TBX1: variants seen among roughly 807,000 people sequenced by gnomAD.
The protein encoded by TBX1 is T-box transcription factor TBX1.
TBX1 carries 16 observed loss-of-function variants against 40.8 expected under a neutral mutation model. That is an observed-to-expected ratio of 0.39 (90% confidence interval 0.27 to 0.60). The LOEUF is 0.60. Among genes scored for constraint, TBX1 ranks in the 20% least tolerant of loss-of-function variants. TBX1 has a pLI of 0.51. For missense variants in TBX1, 755 were observed against 728.5 expected (o/e 1.04, Z -0.42); for synonymous variants, 403 against 336.8 (o/e 1.20, Z -2.15).
At position 19,766,420 on chromosome 22, in the gene TBX1, C is replaced by G; in HGVS notation, c.1068C>G (p.Arg356=). The G allele has an allele frequency of 2.2e-6, 3 of 1,343,724 alleles. No homozygotes were observed. Among genetic ancestry groups the G allele is most frequent in the South Asian group, 1.7e-5 (1 of 57,648 alleles). The allele number at this position is 1,343,724 out of a possible 1,614,324, so 83.2% of individuals were successfully genotyped here. The stretch of plus-strand genomic sequence containing the variant: ...CTGAGGCCCGGCGAGAATTCCAGCG[C>G]GACGCGGGCGGGCCAGCAGTGCTCG... The part of the protein sequence containing the change: ...DAAEARREFQ[R]DAGGPAVLGD... The change falls in exon 7 of 7, where the codon CGC becomes CGG. Residue 356 remains arginine, a synonymous_variant. Coordinates refer to ENST00000649276, the MANE Select transcript of TBX1 (RefSeq NM_001379200.1).
Position 19,765,941 on chromosome 22 carries a change from C to T in TBX1, c.975C>T (p.Ser325=). 3 of 1,524,390 alleles carry T rather than the reference C, an allele frequency of 2.0e-6. No individual in the cohort carries two copies. The highest frequency in any genetic ancestry group is 8.8e-7 in the Non-Finnish European group (1 of 1,138,730). 94.4% of individuals were successfully genotyped at this position (1,524,390 alleles called of 1,614,324 possible). The part of the protein sequence containing the change: ...NHRPGALPLM[S]AFARSRNPVA... ...GGCCCGGCGCACTGCCGCTCATGAG[C>T]GCCTTCGCGCGCTCGCGGAACCCCG... The change falls in exon 6 of 7, where the codon AGC becomes AGT. Residue 325 remains serine (S), a synonymous_variant. Coordinates refer to ENST00000649276, the MANE Select transcript of TBX1 (RefSeq NM_001379200.1).
chr22:19,766,301 G>T, intron 6 of TBX1, 88 bp from the exon 7 acceptor site: 1 of 1,215,144 alleles, frequency 8.2e-7, no homozygotes, highest in Middle Eastern at 3.3e-4. Flanking sequence ...GCGGCCAAGA[G>T]CCTTCTCTCC....
At chr22:19,780,430 C>A (rs5993828), downstream of TBX1, among the ~76,000 whole-genome samples, 7,602 of 152,236 alleles carry the variant, frequency 0.05, 526 homozygotes, top group African/African-American at 0.16. Flanking sequence ...CATCCGTGTT[C>A]TAGCCTGTGT....
intron 1 of TBX1, 120 bp from the exon 2 acceptor site, chr22:19,763,121 C>T (rs1228574502): frequency 1.7e-5 from 13 of 782,590 alleles, no homozygotes; most frequent in Middle Eastern, 2.3e-4. Flanking sequence ...AGGGCTGGGA[C>T]GACACAGCAG....
intron 3 of TBX1, among the ~76,000 whole-genome samples, chr22:19,764,647 A>G (rs778254738): frequency 6.6e-6 from 1 of 152,180 alleles, no homozygotes; most frequent in Non-Finnish European, 1.5e-5. Flanking sequence ...AATGGAAAAG[A>G]TGGGGCCCTG....
At chr22:19,771,690 G>T (rs1936992829), downstream of TBX1, among the ~76,000 whole-genome samples, 1 of 152,162 alleles carries the variant, frequency 6.6e-6, no homozygotes, top group Admixed American at 6.5e-5. Flanking sequence ...AAGCTTTGGG[G>T]TGCATCTCCC....
intron 8 of TBX1, among the ~76,000 whole-genome samples, chr22:19,777,686 C>G (rs1286365813): frequency 6.6e-6 from 1 of 152,076 alleles, no homozygotes; most frequent in Non-Finnish European, 1.5e-5. Context: ...CTCCCCCTCT[C>G]CATCCTCTCT....
chr22:19,760,903 A>C lies in TBX1; in HGVS notation c.60A>C (p.Ala20=). The change falls in exon 1 of 7, where the codon GCA becomes GCC. Residue 20 remains alanine, a synonymous_variant. Transcript: ENST00000649276. The part of the protein sequence containing the change: ...LTQLSHFCDV[A]AFTASSLSSL... ...AGCTCTCGCATTTCTGCGACGTTGC[A>C]GCCTTCACGGCCAGCAGCCTGAGCA... The C allele has an allele frequency of 9.4e-7, 1 of 1,058,276 alleles. No individual in the cohort carries two copies. Among genetic ancestry groups the C allele is most frequent in the Non-Finnish European group, 1.2e-6 (1 of 866,988 alleles). The allele number at this position is 1,058,276 out of a possible 1,614,324, so 65.6% of individuals were successfully genotyped here.
chr22:19,780,776 G>GGTT (rs1555898567), downstream of TBX1, among the ~76,000 whole-genome samples: 62 of 119,108 alleles, frequency 5.2e-4, no homozygotes, highest in African/African-American at 2.0e-3. Flanking sequence ...CTTGTTTTCT[G>GGTT]TTTTTTTTTT....
chr22:19,776,318 G>GC (rs1210655001), intron 8 of TBX1, among the ~76,000 whole-genome samples: 1 of 152,142 alleles, frequency 6.6e-6, no homozygotes, highest in African/African-American at 2.4e-5. Context: ...AAGACGTGTG[G>GC]CCCCTTGCTC....
intron 8 of TBX1, among the ~76,000 whole-genome samples, chr22:19,773,613 C>G (rs1937022869): frequency 6.6e-6 from 1 of 152,232 alleles, no homozygotes; most frequent in Non-Finnish European, 1.5e-5. Context: ...GGGAAGCTTA[C>G]TGCAGGGCTG....
rs1057523372 is a variant in TBX1, at chr22:19,764,188, G to A, written c.573G>A (p.Ala191=). 7.4e-6 allele frequency: 12 copies of A among 1,612,630 alleles called. No homozygotes were observed. The highest frequency in any genetic ancestry group is 2.2e-5 in the South Asian group (2 of 91,068). The change falls in exon 3 of 7, where the codon GCG becomes GCA. Residue 191 remains alanine, a synonymous_variant. Transcript: ENST00000649276. ...TCCACAGCTCCTCCTGGCTGGTGGC[G>A]GGGAAGGCCGACCCTGCCACGCCAG... ...YAFHSSSWLV[A]GKADPATPGR...
At chr22:19,757,355 G>A (rs1936510150), upstream of TBX1, among the ~76,000 whole-genome samples, 1 of 152,152 alleles carries the variant, frequency 6.6e-6, no homozygotes, top group South Asian at 2.1e-4. Context: ...CAAACCTCAG[G>A]CACAGAGGTC....
chr22:19,760,053 A>T (rs1344119453), upstream of TBX1, among the ~76,000 whole-genome samples: 1 of 152,176 alleles, frequency 6.6e-6, no homozygotes, highest in African/African-American at 2.4e-5. Context: ...AAATTGAGCA[A>T]AGGGGAGAAA....
chr22:19,770,986 C>T (rs1936981270), downstream of TBX1, among the ~76,000 whole-genome samples: 1 of 152,174 alleles, frequency 6.6e-6, no homozygotes. Context: ...GTGGTGCTGA[C>T]CTCCGCCCTG....
intron 6 of TBX1, 182 bp from the exon 7 acceptor site, chr22:19,766,207 G>A (rs1936836520): frequency 2.1e-6 from 2 of 957,386 alleles, no homozygotes; most frequent in Admixed American, 5.5e-5. Context: ...CCCGCAGAGG[G>A]GCGCGGGCCC....
rs200879129 is a variant in TBX1 at position 19,765,841 on chromosome 22, C to G, written c.935+16C>G. 2 of 1,595,112 alleles carry G rather than the reference C, an allele frequency of 1.3e-6. No individual in the cohort carries two copies. Among genetic ancestry groups the G allele is most frequent in the African/African-American group, 1.3e-5 (1 of 74,342 alleles). On this transcript the variant is annotated intron_variant, in intron 5 of 6. Transcript: ENST00000649276. ...CTGAGGACTGGTGAGTGTCCTCCCC[C>G]GAGAGAGTGAGCGCCGGGCGCCTGG...
At chr22:19,761,416 C>G (rs1449411502) in intron 1 of TBX1, 136 bp downstream of exon 1, 5 of 1,229,256 alleles carry the variant, frequency 4.1e-6, no homozygotes, top group Non-Finnish European at 5.1e-6. Flanking sequence ...CCCCTCTGGG[C>G]CCCGCTGCCT....
intron 3 of TBX1, among the ~76,000 whole-genome samples, chr22:19,764,639 T>C (rs956950806): frequency 6.6e-6 from 1 of 152,160 alleles, no homozygotes; most frequent in Non-Finnish European, 1.5e-5. Context: ...GCTTTTTTAA[T>C]GGAAAAGATG....
Sources: allele counts gnomAD v4.1 joint callset (sites outside exome capture counted in the v4.1 genomes callset), GRCh38; gene constraint gnomAD v4.1.1; transcripts MANE v1.5; gene names NCBI Gene and HGNC (gene_info 2026-07-23, HGNC 2026-07-21).